LRGUK: variants seen among roughly 807,000 people sequenced by gnomAD.
LRGUK encodes the protein leucine-rich repeat and guanylate kinase domain-containing protein.
In LRGUK, 65 loss-of-function variants were observed where a neutral mutation model predicts 76.0. The ratio of observed to expected loss-of-function variants is 0.85; its 90% CI spans 0.70 to 1.05. The LOEUF is 1.05. Ranked by LOEUF, LRGUK falls within the 50% of genes least tolerant of loss-of-function variation. LRGUK has a pLI of 0.00. For synonymous variants in LRGUK, 268 were observed against 265.6 expected (o/e 1.01, Z -0.09); for missense variants, 758 against 732.8 (o/e 1.03, Z -0.40).
chr7:134,209,358 A>T (rs17167638), exon 16 of LRGUK: 41,745 of 398,964 alleles, frequency 0.1, 3,807 homozygotes, highest in East Asian at 0.4. Flanking sequence ...TCCCACACTG[A>T]CTTGGTGCAG....
At chr7:134,230,972 G>A (rs562242795) in intron 16 of LRGUK, among the ~76,000 whole-genome samples, 1 of 152,288 alleles carries the variant, frequency 6.6e-6, no homozygotes, top group African/African-American at 2.4e-5. Flanking sequence ...CTGGTGAACT[G>A]GAATGCTATT....
At chr7:134,201,519 A>T in exon 15 of LRGUK, 1 of 1,614,066 alleles carries the variant, frequency 6.2e-7, no homozygotes, top group South Asian at 1.1e-5. Flanking sequence ...GAGTCAGCTC[A>T]TTAGAGAATA....
At chr7:134,145,904 G>T (rs1797950085) in intron 4 of LRGUK, among the ~76,000 whole-genome samples, 1 of 152,186 alleles carries the variant, frequency 6.6e-6, no homozygotes, top group Admixed American at 6.5e-5. Context: ...ATGTTAATTT[G>T]ACTTGATGGC....
chr7:134,148,869 T>G (rs1382714128), intron 5 of LRGUK, among the ~76,000 whole-genome samples: 1 of 151,758 alleles, frequency 6.6e-6, no homozygotes, highest in Admixed American at 6.6e-5. Flanking sequence ...GAGCCAAGAT[T>G]GTGCCACTGC....
intron 1 of LRGUK, among the ~76,000 whole-genome samples, chr7:134,129,982 C>T (rs912035237): frequency 6.6e-6 from 1 of 152,072 alleles, no homozygotes; most frequent in African/African-American, 2.4e-5. Context: ...TACTCTGATT[C>T]TTCTATTAAC....
chr7:134,224,671 C>T (rs954114514), intron 16 of LRGUK, among the ~76,000 whole-genome samples: 1 of 152,018 alleles, frequency 6.6e-6, no homozygotes. Flanking sequence ...CAAACCTGCA[C>T]ATATACCCCT....
intron 4 of LRGUK, among the ~76,000 whole-genome samples, chr7:134,143,873 G>A (rs955037015): frequency 6.6e-6 from 1 of 151,364 alleles, no homozygotes; most frequent in Non-Finnish European, 1.5e-5. Context: ...GGTCTGGGGT[G>A]GGGCCTGAGC....
intron 15 of LRGUK, among the ~76,000 whole-genome samples, chr7:134,206,889 G>T (rs149258939): frequency 2.1e-3 from 326 of 152,254 alleles, no homozygotes; most frequent in African/African-American, 6.8e-3. Flanking sequence ...TCTGACTAAT[G>T]GTAGAAAGAA....
At chr7:134,156,584 A>G (rs1488384569) in intron 5 of LRGUK, among the ~76,000 whole-genome samples, 1 of 152,214 alleles carries the variant, frequency 6.6e-6, no homozygotes, top group African/African-American at 2.4e-5. Context: ...TGTGAAATTG[A>G]CCTGGCAGAA....
At chr7:134,144,468 C>G (rs537900466) in intron 4 of LRGUK, among the ~76,000 whole-genome samples, 1 of 152,220 alleles carries the variant, frequency 6.6e-6, no homozygotes, top group Admixed American at 6.5e-5. Flanking sequence ...TCAGGTGGCT[C>G]TAATGTGCTG....
At chr7:134,207,248 C>T (rs182006981) in intron 15 of LRGUK, among the ~76,000 whole-genome samples, 1 of 152,104 alleles carries the variant, frequency 6.6e-6, no homozygotes, top group Non-Finnish European at 1.5e-5. Context: ...GTTGTATAAC[C>T]ATCATCACTA....
rs117305070 is a variant in LRGUK at position 134,175,533 on chromosome 7, G to A, written c.1020+897G>A. Reference sequence around the variant, plus strand: ...TTTCAAATCCCTGAAGGGTGTTTGTGCATATGCATGAATAAGCATCACAAG... The same window carrying A: ...TTTCAAATCCCTGAAGGGTGTTTGTACATATGCATGAATAAGCATCACAAG... On this transcript the variant is annotated intron_variant, in intron 8 of 15. Coordinates refer to ENST00000645682, the Ensembl canonical transcript of LRGUK. Among the ~76,000 whole-genome samples, 289 of 152,264 alleles carry A rather than the reference G, an allele frequency of 1.9e-3. 1 individual carries two copies. Among genetic ancestry groups the A allele is most frequent in the Non-Finnish European group, 3.6e-3 (245 of 68,016 alleles).
the LRGUK span, among the ~76,000 whole-genome samples, chr7:134,273,614 A>T: frequency 1.3e-5 from 2 of 152,008 alleles, no homozygotes; most frequent in South Asian, 2.1e-4. Context: ...ATTTTGGCAA[A>T]TTTTTTAATT....
At chr7:134,179,127 A>G (rs1799630001) in intron 10 of LRGUK, among the ~76,000 whole-genome samples, 1 of 152,166 alleles carries the variant, frequency 6.6e-6, no homozygotes, top group South Asian at 2.1e-4. Flanking sequence ...AAGCCCAGCT[A>G]GCCTAAGGAA....
chr7:134,235,082 C>T (rs1357470774), intron 16 of LRGUK, among the ~76,000 whole-genome samples: 1 of 152,220 alleles, frequency 6.6e-6, no homozygotes, highest in African/African-American at 2.4e-5. Context: ...GGTTCTACCC[C>T]TGCCCCTATA....
At chr7:134,201,948 C>T (rs1800790066) in intron 15 of LRGUK, among the ~76,000 whole-genome samples, 1 of 152,138 alleles carries the variant, frequency 6.6e-6, no homozygotes, top group Non-Finnish European at 1.5e-5. Flanking sequence ...TGAGAGTTTT[C>T]TTTCCCCTTT....
At chr7:134,254,148 T>C (rs778890703) in intron 18 of LRGUK, among the ~76,000 whole-genome samples, 2 of 152,220 alleles carry the variant, frequency 1.3e-5, no homozygotes, top group Non-Finnish European at 2.9e-5. Context: ...TATGCCACTT[T>C]TTGCTTGTTG....
chr7:134,256,976 T>C (rs1245049815), intron 18 of LRGUK, among the ~76,000 whole-genome samples: 2 of 152,050 alleles, frequency 1.3e-5, no homozygotes, highest in African/African-American at 4.8e-5. Flanking sequence ...TAAACAATCT[T>C]TGGGGTCCCA....
chr7:134,147,694 G>A (rs944046971), intron 4 of LRGUK, among the ~76,000 whole-genome samples: 1 of 152,118 alleles, frequency 6.6e-6, no homozygotes, highest in African/African-American at 2.4e-5. Context: ...AGGTTATTGG[G>A]AGGTTCCTGT....
Sources: gnomAD v4.1 joint callset for allele counts (sites outside exome capture counted in the v4.1 genomes callset) on GRCh38, gnomAD v4.1.1 for gene constraint, MANE v1.5 for transcripts, NCBI Gene and HGNC (gene_info 2026-07-23, HGNC 2026-07-21) for gene names.